The following ERP27 variants were observed in gnomAD, a reference collection of about 807,000 sequenced individuals.
ERP27 encodes the protein endoplasmic reticulum resident protein 27.
ERP27 carries 23 observed loss-of-function variants against 27.7 expected under a neutral mutation model. The observed-to-expected ratio is 0.83, with a 90% CI of 0.60 to 1.18. The LOEUF is 1.18. Ranked by LOEUF, ERP27 falls within the 50% of genes most tolerant of loss-of-function variation. The pLI is 0.00. For synonymous variants in ERP27, 159 were observed against 118.3 expected, an observed-to-expected ratio of 1.34 and a Z score of -2.23; for missense variants, 363 against 327.9, an observed-to-expected ratio of 1.11 and a Z score of -0.83.
At chr12:14,916,546 A>G (rs1200766817) in intron 5 of ERP27, among the ~76,000 whole-genome samples, 6 of 152,194 alleles carry the variant, frequency 3.9e-5, no homozygotes, top group Non-Finnish European at 7.3e-5. Context: ...CAAAGTAGAA[A>G]TCTTCTTTAT....
chr12:14,930,410 T>G (rs1348698689), intron 3 of ERP27, among the ~76,000 whole-genome samples: 3 of 152,240 alleles, frequency 2.0e-5, no homozygotes, highest in Non-Finnish European at 4.4e-5. Context: ...ATTATGTTTC[T>G]TTAAATAGTA....
rs763861689 is a variant in ERP27, at chr12:14,934,957, T to C, written c.232A>G (p.Met78Val). The change falls in exon 3 of 7, where the codon ATG (methionine) becomes GTG (valine). Residue 78 changes from methionine to valine, a missense_variant. Physicochemically the swap from Met to Val is conservative, Grantham distance 21 (BLOSUM62 1). Transcript: ENST00000266397. ...GACACGCCTGGGAATTTTTGCACCA[T>C]GCTATGGAGTATGGGCACTGCTGGT... ...EIPAVPILHS[M>V]VQKFPGVSFG... 9 of 1,613,946 alleles carry C rather than the reference T, an allele frequency of 5.6e-6. No individual in the cohort carries two copies. The East Asian group carries it at 1.6e-4, about 28-fold the overall frequency.
At chr12:14,924,660 T>G (rs1448213313) in intron 3 of ERP27, among the ~76,000 whole-genome samples, 3 of 152,158 alleles carry the variant, frequency 2.0e-5, no homozygotes, top group South Asian at 4.1e-4. Flanking sequence ...TATGTGCTCC[T>G]TTTCTCCCCA....
intron 3 of ERP27, among the ~76,000 whole-genome samples, chr12:14,923,287 C>A (rs1863537759): frequency 6.6e-6 from 1 of 152,038 alleles, no homozygotes; most frequent in Admixed American, 6.6e-5. Flanking sequence ...AAAACGCTGG[C>A]TCATCTAGGT....
intron 3 of ERP27, among the ~76,000 whole-genome samples, chr12:14,926,854 T>C (rs1592276390): frequency 6.6e-6 from 1 of 152,262 alleles, no homozygotes; most frequent in African/African-American, 2.4e-5. Context: ...ATTTGCATTT[T>C]AGCTTCTCTT....
At chr12:14,936,889 C>T (rs930282188) in intron 2 of ERP27, among the ~76,000 whole-genome samples, 4 of 152,076 alleles carry the variant, frequency 2.6e-5, no homozygotes, top group African/African-American at 9.7e-5. Flanking sequence ...TTATTGGCAG[C>T]ATGAGAAGAA....
intron 3 of ERP27, among the ~76,000 whole-genome samples, chr12:14,924,622 A>T (rs1378258465): frequency 6.6e-6 from 1 of 152,178 alleles, no homozygotes; most frequent in Non-Finnish European, 1.5e-5. Flanking sequence ...TAATTAAAAA[A>T]ATGTAGAAAG....
intron 3 of ERP27, chr12:14,928,895 CA>C (rs941169823): frequency 1.1e-5 from 17 of 1,518,834 alleles, no homozygotes; most frequent in East Asian, 2.4e-5. Flanking sequence ...AATGAGCACA[CA>C]AAAAAATAAT....
intron 3 of ERP27, among the ~76,000 whole-genome samples, chr12:14,924,384 G>T (rs1006342997): frequency 1.3e-5 from 2 of 152,036 alleles, no homozygotes; most frequent in African/African-American, 4.8e-5. Flanking sequence ...ATTTCCTTTG[G>T]ATGTATATCC....
At chr12:14,921,140 T>C in intron 3 of ERP27, 92 bp from the exon 4 acceptor site, 1 of 1,060,242 alleles carries the variant, frequency 9.4e-7, no homozygotes, top group South Asian at 1.4e-5. Flanking sequence ...AGGCACTGAT[T>C]AAAGCTCTGA....
chr12:14,928,941 C>G, intron 3 of ERP27: 1 of 1,535,020 alleles, frequency 6.5e-7, no homozygotes, highest in Non-Finnish European at 8.7e-7. Flanking sequence ...ATGCTGCTAC[C>G]GACCTGTATT....
At chr12:14,935,410 G>A (rs1387038951) in intron 2 of ERP27, among the ~76,000 whole-genome samples, 1 of 152,138 alleles carries the variant, frequency 6.6e-6, no homozygotes, top group Non-Finnish European at 1.5e-5. Flanking sequence ...TTTGTTTAAA[G>A]GGCATTTATT....
intron 6 of ERP27, 22 bp from the exon 7 acceptor site, chr12:14,914,804 A>C: frequency 6.3e-7 from 1 of 1,598,704 alleles, no homozygotes; most frequent in African/African-American, 1.3e-5. Flanking sequence ...TATAACAATG[A>C]TATTTAGATT....
At chr12:14,932,492 A>T (rs577207378) in intron 3 of ERP27, among the ~76,000 whole-genome samples, 3 of 152,318 alleles carry the variant, frequency 2.0e-5, no homozygotes, top group South Asian at 2.1e-4. Context: ...GGCTACTGAG[A>T]GGATAAAGCC....
intron 3 of ERP27, among the ~76,000 whole-genome samples, chr12:14,927,053 T>C (rs1863613375): frequency 6.6e-6 from 1 of 152,194 alleles, no homozygotes; most frequent in African/African-American, 2.4e-5. Context: ...AATTCTAACG[T>C]TGGCAGTGAT....
chr12:14,929,119 G>A (rs765476956), intron 3 of ERP27: 318 of 1,481,836 alleles, frequency 2.1e-4, no homozygotes, highest in Non-Finnish European at 2.7e-4. Flanking sequence ...AGCTCACATC[G>A]CTGTGCATGG....
intron 3 of ERP27, among the ~76,000 whole-genome samples, chr12:14,933,329 C>T (rs1254422906): frequency 1.3e-5 from 2 of 152,058 alleles, no homozygotes; most frequent in Non-Finnish European, 2.9e-5. Flanking sequence ...GAAGTAGTTT[C>T]CTAGAATTCA....
At chr12:14,935,632 G>A (rs1863762283) in intron 2 of ERP27, among the ~76,000 whole-genome samples, 1 of 152,182 alleles carries the variant, frequency 6.6e-6, no homozygotes, top group South Asian at 2.1e-4. Flanking sequence ...GGGCCCAGAT[G>A]CCTGTGGTTG....
intron 5 of ERP27, among the ~76,000 whole-genome samples, chr12:14,916,203 G>T (rs1351658604): frequency 6.6e-6 from 1 of 152,136 alleles, no homozygotes; most frequent in Non-Finnish European, 1.5e-5. Context: ...ATTATTTTGT[G>T]TTGCTTTGAT....
Sources: gnomAD v4.1 joint callset for allele counts (sites outside exome capture counted in the v4.1 genomes callset) on GRCh38, gnomAD v4.1.1 for gene constraint, MANE v1.5 for transcripts, NCBI Gene and HGNC (gene_info 2026-07-23, HGNC 2026-07-21) for gene names.